The following SMC5 variants were observed in gnomAD, a reference collection of about 807,000 sequenced individuals.
SMC5 encodes structural maintenance of chromosomes 5, also known as structural maintenance of chromosomes protein 5.
In SMC5, 88 loss-of-function variants were observed where a neutral mutation model predicts 148.3. The observed-to-expected ratio is 0.59, with a 90% CI of 0.50 to 0.71. The LOEUF (loss-of-function observed/expected upper bound fraction) is 0.71, where lower values mean the gene tolerates loss of function less well. SMC5 is among the 30% of genes least tolerant of loss of function. SMC5 has a pLI of 0.00. For missense variants in SMC5, 1,142 were observed against 1,298.9 expected (o/e 0.88, Z 1.86); for synonymous variants, 421 against 432.8 (o/e 0.97, Z 0.34).
chr9:70,278,530 C>CT lies in SMC5; in HGVS notation c.584dup (p.Leu196ProfsTer5). 1 of 1,609,470 alleles carries CT rather than the reference C, an allele frequency of 6.2e-7. No individual in the cohort carries two copies. The highest frequency in any genetic ancestry group is 8.5e-7 in the Non-Finnish European group (1 of 1,178,764). ...ATTTGCTAAACTCAGCAAAATTGAA[C>CT]TCCTCGAAGCCACTGAAAAGTCAAT... On this transcript the variant is annotated frameshift_variant, in exon 5 of 25. Transcript: ENST00000361138. LOFTEE classifies it high-confidence loss of function.
chr9:70,263,499 G>A (rs1466757428), intron 1 of SMC5, among the ~76,000 whole-genome samples: 1 of 152,216 alleles, frequency 6.6e-6, no homozygotes, highest in Non-Finnish European at 1.5e-5. Flanking sequence ...CTGAAATGCT[G>A]TGGACAAAGG....
Position 70,282,548 on chromosome 9 carries a change from G to T in SMC5, c.946G>T (p.Glu316Ter). The change falls in exon 7 of 25, where the codon GAG becomes TAG. Residue 316 changes from glutamate (E) to a stop codon, truncating the protein, a stop_gained. Transcript: ENST00000361138. LOFTEE classifies it high-confidence loss of function. ...ATGTCGAATTGAAGAAATGGAAAAC[G>T]AGCGTCACAATTTGGAGGCTCGAAT... ...VTCRIEEMEN[E>*]RHNLEARIKE... is the part of the protein sequence containing the mutation. 6.3e-7 allele frequency: 1 copy of T among 1,588,764 alleles called. No homozygotes were observed. Among genetic ancestry groups the T allele is most frequent in the South Asian group, 1.2e-5 (1 of 83,866 alleles).
At position 70,277,452 on chromosome 9, in the gene SMC5, C is replaced by G. The variant is rs370425906; in HGVS notation, c.523C>G (p.Leu175Val). The change falls in exon 4 of 25, where the codon CTT (leucine) becomes GTT (valine). Residue 175 changes from leucine (L) to valine (V), a missense_variant. Physicochemically the swap from Leu to Val is conservative, Grantham distance 32. Around this residue, in one of 5 missense-constraint regions of SMC5, gnomAD observed 297 missense variants for 302.6 expected, o/e 0.98. Coordinates refer to ENST00000361138, the MANE Select transcript of SMC5 (RefSeq NM_015110.4). ...AGCCTTAAATATTCAAGTGGGGAAT[C>G]TTTGCCAGTTTCTCCCTCAGGTATG... ...VAALNIQVGN[L>V]CQFLPQDKVG... is the part of the protein sequence containing the mutation. 1.3e-6 allele frequency: 2 copies of G among 1,590,220 alleles called. No individual in the cohort carries two copies. Among genetic ancestry groups the G allele is most frequent in the African/African-American group, 2.7e-5 (2 of 73,308 alleles).
In SMC5 at chr9:70,326,770, G is replaced by A. The variant is rs2036089527; in HGVS notation, c.2397+2627G>A. Among the ~76,000 whole-genome samples the A allele has an allele frequency of 2.0e-5, 3 of 151,800 alleles. No individual in the cohort carries two copies. In the South Asian group the frequency reaches 6.2e-4, roughly 32 times the overall value. On this transcript the variant is annotated intron_variant, in intron 17 of 24. Coordinates refer to ENST00000361138, the MANE Select transcript of SMC5 (RefSeq NM_015110.4). Reference sequence around the variant, plus strand: ...TTAGTAAAAGCACAGTGAAACAAATGCATCTAACTTTGTTTTGAGTTAGCA... The same window carrying A: ...TTAGTAAAAGCACAGTGAAACAAATACATCTAACTTTGTTTTGAGTTAGCA...
intron 3 of SMC5, among the ~76,000 whole-genome samples, chr9:70,270,685 C>T (rs972661659): frequency 4.3e-4 from 55 of 127,752 alleles, no homozygotes; most frequent in Non-Finnish European, 7.0e-4. Context: ...GTGTCACTGT[C>T]GCCCAGGCTG....
chr9:70,347,237 A>G, intron 20 of SMC5, 76 bp downstream of exon 20: 1 of 1,206,724 alleles, frequency 8.3e-7, no homozygotes, highest in Non-Finnish European at 1.2e-6. Context: ...ATACACACAC[A>G]GAGTTCCCTC....
chr9:70,280,966 A>G (rs1341329212), intron 6 of SMC5, 67 bp downstream of exon 6: 8 of 1,548,406 alleles, frequency 5.2e-6, no homozygotes, highest in Non-Finnish European at 7.1e-6. Context: ...TGATGAAAGT[A>G]TTAGTTACTG....
At chr9:70,335,879 T>G (rs1187431365) in intron 17 of SMC5, among the ~76,000 whole-genome samples, 1 of 152,200 alleles carries the variant, frequency 6.6e-6, no homozygotes, top group African/African-American at 2.4e-5. Flanking sequence ...ATTTCACTTG[T>G]CTTTTTACTA....
chr9:70,336,783 A>T (rs1028827434), intron 17 of SMC5, among the ~76,000 whole-genome samples: 1 of 152,244 alleles, frequency 6.6e-6, no homozygotes, highest in Admixed American at 6.5e-5. Context: ...CCCATCAGGC[A>T]GATACTATTA....
Position 70,324,062 on chromosome 9 carries a change from C to T in SMC5, c.2316C>T (p.Leu772=). 1 of 1,592,152 alleles carries T rather than the reference C, an allele frequency of 6.3e-7. No individual in the cohort carries two copies. The highest frequency in any genetic ancestry group is 8.5e-7 in the Non-Finnish European group (1 of 1,174,374). Residue 772 remains leucine, a synonymous_variant, in exon 17 of 25, where the codon CTC becomes CTT. Transcript: ENST00000361138. ...SLHIQKVDLI[L]QNTTVISEKN... ...ATATACAAAAAGTAGATTTAATTCT[C>T]CAAAATACTACAGTGATCTCTGAGA... is the stretch of plus-strand genomic sequence containing the variant.
intron 8 of SMC5, among the ~76,000 whole-genome samples, chr9:70,297,755 A>G (rs2035239638): frequency 6.6e-6 from 1 of 152,200 alleles, no homozygotes. Flanking sequence ...CACCACTTAA[A>G]GTATTTGAGA....
intron 17 of SMC5, among the ~76,000 whole-genome samples, chr9:70,336,538 G>C (rs1015040888): frequency 6.6e-6 from 1 of 152,162 alleles, no homozygotes; most frequent in Admixed American, 6.5e-5. Context: ...CCAGCAAAAA[G>C]CAATCAAAGG....
At position 70,300,186 on chromosome 9, in the gene SMC5, C is replaced by A; in HGVS notation, c.1450C>A (p.Pro484Thr). 1 of 1,589,586 alleles carries A rather than the reference C, an allele frequency of 6.3e-7. No individual in the cohort carries two copies. Among genetic ancestry groups the A allele is most frequent in the Non-Finnish European group, 8.5e-7 (1 of 1,173,432 alleles). Reference sequence around the variant, plus strand: ...CAAATTTAAACAAAGAGTCTGTGAGCCCATAATGCTCACGGTAAGAAACTT... The same window carrying A: ...CAAATTTAAACAAAGAGTCTGTGAGACCATAATGCTCACGGTAAGAAACTT... ...RDKFKQRVCE[P>T]IMLTINMKDN... Residue 484 changes from proline (P) to threonine (T), a missense_variant, in exon 10 of 25, where the codon CCC becomes ACC. Physicochemically the swap from Pro to Thr is conservative, Grantham distance 38. Transcript: ENST00000361138.
Position 70,324,242 on chromosome 9 carries a change from T to G in SMC5, c.2397+99T>G, listed in dbSNP as rs192066209. ...CACTAGCAATATATAGTTTGTTGTT[T>G]TATGCTATTTAACTTACAAATTTAA... On this transcript the variant is annotated intron_variant, in intron 17 of 24. Transcript: ENST00000361138. 4,097 of 1,231,586 alleles carry G rather than the reference T, an allele frequency of 3.3e-3. 32 individuals carry two copies. Among genetic ancestry groups the G allele is most frequent in the South Asian group, 0.019 (1,153 of 60,238 alleles). The allele number at this position is 1,231,586 out of a possible 1,614,324, so 76.3% of individuals were successfully genotyped here. A position where few individuals can be genotyped will look rare whatever the true frequency, so the allele number is the denominator to read the frequency against.
intron 8 of SMC5, among the ~76,000 whole-genome samples, chr9:70,295,515 A>G (rs11142354): frequency 0.21 from 32,199 of 150,946 alleles, 3,576 homozygotes; most frequent in South Asian, 0.28. Context: ...CAGAGAAATT[A>G]CAGATATAGA....
At chr9:70,289,327 C>G (rs976894170) in intron 8 of SMC5, among the ~76,000 whole-genome samples, 1 of 152,098 alleles carries the variant, frequency 6.6e-6, no homozygotes, top group Admixed American at 6.5e-5. Context: ...TGTGAGCTAC[C>G]GCACCTGGCC....
At chr9:70,349,533 G>A (rs762683537) in intron 22 of SMC5, among the ~76,000 whole-genome samples, 2 of 152,120 alleles carry the variant, frequency 1.3e-5, no homozygotes, top group African/African-American at 2.4e-5. Flanking sequence ...TACGTGCCAG[G>A]CTTGCTTTTT....
chr9:70,284,192 T>A (rs1298600410), intron 7 of SMC5, among the ~76,000 whole-genome samples: 2 of 152,206 alleles, frequency 1.3e-5, no homozygotes, highest in Non-Finnish European at 2.9e-5. Flanking sequence ...TTAATTCTAA[T>A]ACAGGTTAAA....
chr9:70,291,690 C>T (rs1482081006), intron 8 of SMC5, among the ~76,000 whole-genome samples: 1 of 152,128 alleles, frequency 6.6e-6, no homozygotes, highest in African/African-American at 2.4e-5. Context: ...CAAATGCATC[C>T]AAGGAAAAGG....
Sources: allele counts gnomAD v4.1 joint callset (sites outside exome capture counted in the v4.1 genomes callset), GRCh38; gene constraint gnomAD v4.1.1; regional missense constraint gnomAD v4.1.1; transcripts MANE v1.5; gene names NCBI Gene and HGNC (gene_info 2026-07-23, HGNC 2026-07-21).